The following CDH18 variants were observed in gnomAD, a reference collection of about 807,000 sequenced individuals.
The protein encoded by CDH18 is cadherin 18.
CDH18 carries 31 observed loss-of-function variants against 67.9 expected under a neutral mutation model. That is an observed-to-expected ratio of 0.46 (90% CI 0.34 to 0.62). CDH18 has a LOEUF of 0.62. CDH18 is among the 20% of genes least tolerant of loss of function. The probability of loss-of-function intolerance (pLI) is 0.01; values close to 1 mark genes in which losing one functional copy is unlikely to be tolerated. For missense variants in CDH18, 890 were observed against 975.5 expected (o/e 0.91, Z 1.17); for synonymous variants, 362 against 347.2 (o/e 1.04, Z -0.48).
chr5:20,058,265 G>A (rs1478092575), intron 2 of CDH18, among the ~76,000 whole-genome samples: 1 of 152,024 alleles, frequency 6.6e-6, no homozygotes, highest in African/African-American at 2.4e-5. Flanking sequence ...TCATAGTAGT[G>A]TTCACACAGT....
At chr5:19,916,216 G>A (rs117797285) in intron 2 of CDH18, among the ~76,000 whole-genome samples, 2 of 152,174 alleles carry the variant, frequency 1.3e-5, no homozygotes, top group East Asian at 3.9e-4. Flanking sequence ...AGCCCATAGA[G>A]CACTGCAAGA....
rs1325972665 is a variant in CDH18 at position 19,471,891 on chromosome 5, C to G, written c.*1335G>C. Among the ~76,000 whole-genome samples, 1 of 152,064 alleles carries G rather than the reference C, an allele frequency of 6.6e-6. No homozygotes were observed. Among genetic ancestry groups the G allele is most frequent in the Non-Finnish European group, 1.5e-5 (1 of 68,014 alleles). On this transcript the variant is annotated 3_prime_UTR_variant, in exon 13 of 13. Coordinates refer to ENST00000382275, the MANE Select transcript of CDH18 (RefSeq NM_004934.5). ...AGATAAGCGTCTGCAAGCTTTTATG[C>G]AATTGAATACTTTGCAGTTGGCAAA...
At chr5:19,765,237 T>C (rs908885195) in intron 3 of CDH18, among the ~76,000 whole-genome samples, 2 of 152,152 alleles carry the variant, frequency 1.3e-5, no homozygotes, top group African/African-American at 4.8e-5. Context: ...ACAGGGGCCA[T>C]TGTCCTCAAG....
intron 2 of CDH18, among the ~76,000 whole-genome samples, chr5:20,218,389 G>GA (rs1357171097): frequency 6.6e-5 from 10 of 151,914 alleles, no homozygotes; most frequent in Non-Finnish European, 8.8e-5. Context: ...CAAATACATG[G>GA]AAATTAAACA....
At chr5:19,926,692 T>G (rs1170955195) in intron 2 of CDH18, among the ~76,000 whole-genome samples, 1 of 152,122 alleles carries the variant, frequency 6.6e-6, no homozygotes, top group Admixed American at 6.6e-5. Flanking sequence ...TTCCATTAGA[T>G]AGTTTACAAA....
intron 2 of CDH18, among the ~76,000 whole-genome samples, chr5:20,159,340 G>T (rs1282642208): frequency 6.6e-6 from 1 of 152,094 alleles, no homozygotes; most frequent in Non-Finnish European, 1.5e-5. Flanking sequence ...AAAAGAAATA[G>T]ATTTCCTACC....
intron 12 of CDH18, among the ~76,000 whole-genome samples, chr5:19,474,197 T>C (rs1191949230): frequency 2.6e-5 from 4 of 152,136 alleles, no homozygotes; most frequent in Non-Finnish European, 5.9e-5. Flanking sequence ...CCCTTTAAAT[T>C]TTGATGCTTT....
chr5:20,184,684 T>C (rs559851036), intron 2 of CDH18, among the ~76,000 whole-genome samples: 2 of 152,250 alleles, frequency 1.3e-5, no homozygotes, highest in Non-Finnish European at 2.9e-5. Flanking sequence ...AGTTGGTCTA[T>C]TGAAGATATT....
intron 1 of CDH18, among the ~76,000 whole-genome samples, chr5:20,486,231 C>T (rs1203937811): frequency 6.6e-6 from 1 of 151,764 alleles, no homozygotes; most frequent in Non-Finnish European, 1.5e-5. Flanking sequence ...TTCATTAAGT[C>T]GAAAATATTG....
chr5:20,114,991 G>A (rs935228804), intron 2 of CDH18, among the ~76,000 whole-genome samples: 1 of 152,146 alleles, frequency 6.6e-6, no homozygotes, highest in African/African-American at 2.4e-5. Flanking sequence ...GGAATGAAAG[G>A]AAATGAGGAG....
chr5:20,197,614 C>T (rs1739085504), intron 2 of CDH18, among the ~76,000 whole-genome samples: 1 of 152,136 alleles, frequency 6.6e-6, no homozygotes, highest in Non-Finnish European at 1.5e-5. Flanking sequence ...CCTAGGGCAC[C>T]CAGACAATCT....
intron 1 of CDH18, among the ~76,000 whole-genome samples, chr5:20,256,008 T>G (rs977096669): frequency 1.3e-5 from 2 of 151,872 alleles, no homozygotes; most frequent in African/African-American, 4.8e-5. Flanking sequence ...GAAACAAGGT[T>G]CAGTATAACC....
intron 2 of CDH18, among the ~76,000 whole-genome samples, chr5:19,843,026 A>C (rs1174696016): frequency 6.6e-6 from 1 of 152,162 alleles, no homozygotes; most frequent in Non-Finnish European, 1.5e-5. Context: ...AGTTTGGAAA[A>C]TTTTCAGCCT....
chr5:20,043,570 A>G (rs1348984273), intron 2 of CDH18, among the ~76,000 whole-genome samples: 1 of 152,160 alleles, frequency 6.6e-6, no homozygotes, highest in Non-Finnish European at 1.5e-5. Context: ...TCTGTTTACA[A>G]TATTACAAGG....
chr5:19,471,354 T>C lies in CDH18; in HGVS notation c.*1872A>G, dbSNP rs1195241642. ...CAGGCTTAAAACACAAATTGAGAAT[T>C]ATTCAAATTAAGCTTACTTACTTCC... is the stretch of plus-strand genomic sequence containing the variant. On this transcript the variant is annotated 3_prime_UTR_variant, in exon 13 of 13. Coordinates refer to ENST00000382275, the MANE Select transcript of CDH18 (RefSeq NM_004934.5). Among the ~76,000 whole-genome samples the C allele has an allele frequency of 6.6e-6, 1 of 152,096 alleles. No homozygotes were observed. Among genetic ancestry groups the C allele is most frequent in the Non-Finnish European group, 1.5e-5 (1 of 68,004 alleles).
At chr5:20,349,293 C>T (rs904283014) in intron 1 of CDH18, among the ~76,000 whole-genome samples, 1 of 151,968 alleles carries the variant, frequency 6.6e-6, no homozygotes, top group Non-Finnish European at 1.5e-5. Context: ...TTCTATTTTG[C>T]CTTTTTCAAG....
chr5:19,831,824 T>C (rs1480739755), intron 3 of CDH18, among the ~76,000 whole-genome samples: 1 of 152,118 alleles, frequency 6.6e-6, no homozygotes, highest in Non-Finnish European at 1.5e-5. Flanking sequence ...TGCAGCACTA[T>C]TCACAGTAGC....
intron 1 of CDH18, among the ~76,000 whole-genome samples, chr5:20,452,414 A>G (rs992720479): frequency 3.9e-5 from 6 of 152,158 alleles, no homozygotes; most frequent in African/African-American, 1.4e-4. Context: ...ACACCATGGA[A>G]TACTATGTAG....
intron 7 of CDH18, among the ~76,000 whole-genome samples, chr5:19,584,793 C>CAAAAAAAAAAAAAAAAAAAAAA (rs61297842): frequency 2.7e-5 from 2 of 75,054 alleles, no homozygotes; most frequent in African/African-American, 5.4e-5. Context: ...ACTAAAAATA[C>CAAAAAAAAAAAAAAAAAAAAAA]AAAAAAAAAA....
Sources: gnomAD v4.1 joint callset for allele counts (sites outside exome capture counted in the v4.1 genomes callset) on GRCh38, gnomAD v4.1.1 for gene constraint, MANE v1.5 for transcripts, NCBI Gene and HGNC (gene_info 2026-07-23, HGNC 2026-07-21) for gene names.